Variants in PTPN13 observed in about 807,000 individuals in gnomAD.
The protein encoded by PTPN13 is tyrosine-protein phosphatase non-receptor type 13.
Under a neutral mutation model 284.0 loss-of-function variants are expected in PTPN13, and 191 were observed. The observed-to-expected ratio is 0.67, with a 90% CI of 0.60 to 0.76. The LOEUF (loss-of-function observed/expected upper bound fraction) is 0.76, where lower values mean the gene tolerates loss of function less well. Among genes scored for constraint, PTPN13 ranks in the 30% least tolerant of loss-of-function variants. The pLI is 0.00. For missense variants in PTPN13, 2,797 were observed against 2,939.9 expected (o/e 0.95, Z 1.12); for synonymous variants, 986 against 1,022.3 (o/e 0.96, Z 0.68).
intron 44 of PTPN13, 31 bp from the exon 45 acceptor site, chr4:86,807,529 A>C: frequency 6.6e-7 from 1 of 1,509,406 alleles, no homozygotes. Flanking sequence ...CATGATATGG[A>C]TGGCTCTGTT....
chr4:86,765,317 C>T (rs1739175887), intron 25 of PTPN13, 78 bp from the exon 26 acceptor site: 2 of 1,064,586 alleles, frequency 1.9e-6, no homozygotes, highest in Admixed American at 4.1e-5. Context: ...GCTAATGAAT[C>T]CTTTCTAGGC....
chr4:86,684,601 G>A (rs756212922), intron 3 of PTPN13, among the ~76,000 whole-genome samples: 1 of 152,262 alleles, frequency 6.6e-6, no homozygotes, highest in East Asian at 1.9e-4. Context: ...AGGAAGCAAT[G>A]TAAGGGATAT....
At chr4:86,646,417 C>T (rs1034773710) in intron 2 of PTPN13, among the ~76,000 whole-genome samples, 2 of 151,954 alleles carry the variant, frequency 1.3e-5, no homozygotes, top group African/African-American at 4.8e-5. Flanking sequence ...CCCACCTCAG[C>T]CTCTCAAGTA....
intron 2 of PTPN13, among the ~76,000 whole-genome samples, chr4:86,660,826 A>C (rs1726399844): frequency 6.6e-6 from 1 of 152,136 alleles, no homozygotes; most frequent in Non-Finnish European, 1.5e-5. Flanking sequence ...TTTTAATTTA[A>C]AACTATTTTG....
intron 2 of PTPN13, among the ~76,000 whole-genome samples, chr4:86,643,736 C>T (rs1284262887): frequency 1.3e-5 from 2 of 152,042 alleles, no homozygotes; most frequent in Non-Finnish European, 2.9e-5. Context: ...TTAATCTGTT[C>T]GGTCTAATCA....
chr4:86,789,018 T>C (rs1168598328), intron 40 of PTPN13, among the ~76,000 whole-genome samples: 4 of 152,198 alleles, frequency 2.6e-5, no homozygotes, highest in African/African-American at 9.6e-5. Context: ...GGAAAGAGCA[T>C]TCCATACATA....
chr4:86,672,050 G>A (rs938212307), intron 2 of PTPN13, among the ~76,000 whole-genome samples: 5 of 152,242 alleles, frequency 3.3e-5, no homozygotes, highest in East Asian at 1.9e-4. Context: ...TATATGTCAC[G>A]TTGATAAAAC....
At chr4:86,766,083 C>T (rs1240709161) in intron 26 of PTPN13, among the ~76,000 whole-genome samples, 1 of 152,188 alleles carries the variant, frequency 6.6e-6, no homozygotes, top group Non-Finnish European at 1.5e-5. Flanking sequence ...CCACTTTGGC[C>T]TCCCAAAGTG....
intron 1 of PTPN13, among the ~76,000 whole-genome samples, chr4:86,631,397 T>C (rs896988140): frequency 1.3e-5 from 2 of 152,186 alleles, no homozygotes; most frequent in Non-Finnish European, 2.9e-5. Flanking sequence ...GAGAGAAAGA[T>C]GGTGCTAGTA....
intron 19 of PTPN13, among the ~76,000 whole-genome samples, 169 bp from the exon 20 acceptor site, chr4:86,752,840 A>G (rs1009817269): frequency 6.6e-6 from 1 of 152,192 alleles, no homozygotes; most frequent in African/African-American, 2.4e-5. Flanking sequence ...ATGCTTAGCT[A>G]CTATTTAAAA....
At chr4:86,663,144 G>C (rs1376241686) in intron 2 of PTPN13, among the ~76,000 whole-genome samples, 2 of 152,244 alleles carry the variant, frequency 1.3e-5, no homozygotes, top group Non-Finnish European at 2.9e-5. Context: ...TAATTAAGTG[G>C]TGTAGGGGAA....
chr4:86,674,538 A>G (rs1728067839), intron 3 of PTPN13, among the ~76,000 whole-genome samples: 1 of 152,224 alleles, frequency 6.6e-6, no homozygotes, highest in Non-Finnish European at 1.5e-5. Context: ...ATGTATCTGA[A>G]AAAAGACTGA....
chr4:86,796,958 A>G, intron 41 of PTPN13, 29 bp downstream of exon 41: 1 of 1,232,412 alleles, frequency 8.1e-7, no homozygotes, highest in African/African-American at 1.5e-5. Flanking sequence ...AAGTATCCAT[A>G]ATGCTTCTGT....
chr4:86,656,237 C>T lies in PTPN13; in HGVS notation c.116-16128C>T, dbSNP rs149111198. 4.4e-3 allele frequency among the ~76,000 whole-genome samples: 668 copies of T among 152,332 alleles called. 1 individual carries two copies. The highest frequency in any genetic ancestry group is 6.8e-3 in the Middle Eastern group (2 of 294). On this transcript the variant is annotated intron_variant, in intron 2 of 47. Coordinates refer to ENST00000411767, the MANE Select transcript of PTPN13 (RefSeq NM_080683.3). Reference sequence around the variant, plus strand: ...TTGATCATCTGAAGCCTTCTTCTCCCAACTCGTCAAAGTCATTCTCCATCC... The same window carrying T: ...TTGATCATCTGAAGCCTTCTTCTCCTAACTCGTCAAAGTCATTCTCCATCC...
intron 40 of PTPN13, among the ~76,000 whole-genome samples, chr4:86,791,002 G>A (rs1742575649): frequency 6.6e-6 from 1 of 152,108 alleles, no homozygotes; most frequent in South Asian, 2.1e-4. Context: ...TGGACAGTGG[G>A]TGCAGCCTAC....
Position 86,768,021 on chromosome 4 carries a change from G to A in PTPN13, c.4489+45G>A, listed in dbSNP as rs760129051. The A allele has an allele frequency of 8.4e-6, 13 of 1,547,306 alleles. No homozygotes were observed. The East Asian group carries it at 9.0e-5, about 11-fold the overall frequency. ...CAATCTCACCTTTAAATTATTCCTC[G>A]CCTATTCAAAATTTGATTTTTACAT... On this transcript the variant is annotated intron_variant, in intron 28 of 47. Transcript: ENST00000411767.
chr4:86,748,123 G>A (rs899237021), intron 17 of PTPN13, among the ~76,000 whole-genome samples: 1 of 152,122 alleles, frequency 6.6e-6, no homozygotes, highest in African/African-American at 2.4e-5. Flanking sequence ...ACTACTATGG[G>A]ATAAGAGAAT....
chr4:86,639,272 T>C (rs948277606), intron 2 of PTPN13, among the ~76,000 whole-genome samples: 71 of 152,112 alleles, frequency 4.7e-4, no homozygotes, highest in Admixed American at 4.6e-3. Flanking sequence ...AATGTGGCGA[T>C]TCCTCAGGGA....
chr4:86,734,930 C>T, intron 14 of PTPN13, 55 bp downstream of exon 14: 1 of 1,567,200 alleles, frequency 6.4e-7, no homozygotes, highest in South Asian at 1.2e-5. Flanking sequence ...TTACCTTTAA[C>T]ATAGTTAATG....
Sources: allele counts gnomAD v4.1 joint callset (sites outside exome capture counted in the v4.1 genomes callset), GRCh38; gene constraint gnomAD v4.1.1; transcripts MANE v1.5; gene names NCBI Gene and HGNC (gene_info 2026-07-23, HGNC 2026-07-21).